Variants in DPP6 observed in about 807,000 individuals in gnomAD.
The protein encoded by DPP6 is A-type potassium channel modulatory protein DPP6.
In DPP6, 69 loss-of-function variants were observed where a neutral mutation model predicts 122.6. That is an observed-to-expected ratio of 0.56 (90% CI 0.46 to 0.69). DPP6 has a LOEUF of 0.69. Ranked by LOEUF, DPP6 falls within the 30% of genes least tolerant of loss-of-function variation. The probability of loss-of-function intolerance (pLI) is 0.00; values close to 1 mark genes in which losing one functional copy is unlikely to be tolerated. For missense variants in DPP6, 928 were observed against 1,116.9 expected (o/e 0.83, Z 2.41); for synonymous variants, 418 against 433.1 (o/e 0.97, Z 0.43).
At chr7:153,885,414 G>A (rs1798873730), upstream of DPP6, among the ~76,000 whole-genome samples, 1 of 152,008 alleles carries the variant, frequency 6.6e-6, no homozygotes, top group African/African-American at 2.4e-5. Flanking sequence ...GACTTTGGGA[G>A]GTGATGAGGT....
chr7:154,691,761 G>A (rs1167395544), intron 7 of DPP6, among the ~76,000 whole-genome samples: 1 of 152,106 alleles, frequency 6.6e-6, no homozygotes, highest in Admixed American at 6.5e-5. Flanking sequence ...GGAGGTGGCG[G>A]TGAGCCAAGA....
the DPP6 span, among the ~76,000 whole-genome samples, chr7:153,850,234 T>C: frequency 6.6e-6 from 1 of 152,164 alleles, no homozygotes; most frequent in African/African-American, 2.4e-5. Context: ...GGCCTTATCT[T>C]AGGCCTGGCT....
chr7:153,983,807 G>A (rs988793512), intron 1 of DPP6, among the ~76,000 whole-genome samples: 9 of 151,982 alleles, frequency 5.9e-5, no homozygotes, highest in Non-Finnish European at 1.2e-4. Context: ...AGGGAGTTCC[G>A]TGACCCCTTG....
intron 7 of DPP6, among the ~76,000 whole-genome samples, chr7:154,718,750 C>T (rs552586349): frequency 2.1e-4 from 32 of 151,710 alleles, no homozygotes; most frequent in Admixed American, 4.6e-4. Flanking sequence ...AGTGATTCTC[C>T]AGCCTCAGTG....
intron 1 of DPP6, among the ~76,000 whole-genome samples, chr7:154,157,750 A>T (rs1796758126): frequency 6.6e-6 from 1 of 152,148 alleles, no homozygotes; most frequent in Admixed American, 6.5e-5. Flanking sequence ...CCTGACCAAC[A>T]TGGAGAAACT....
At position 153,928,396 on chromosome 7, in the gene DPP6, A is replaced by ATTTTTTTTTTTTTTTTTTTTTTTTTTTT. The variant is rs71182854; in HGVS notation, c.51+40687_51+40688insTTTTTTTTTTTTTTTTTTTTTTTTTTTT. On this transcript the variant is annotated intron_variant, in intron 1 of 25. Coordinates refer to the DPP6 transcript ENST00000404039. The stretch of plus-strand genomic sequence containing the variant: ...CTGGCTAATTTTTTTCTTTTCTTTC[A>ATTTTTTTTTTTTTTTTTTTTTTTTTTTT]TTTTTTTTTTTTTTTTTTTTTTTTT... Among the ~76,000 whole-genome samples, 59 of 43,694 alleles carry ATTTTTTTTTTTTTTTTTTTTTTTTTTTT rather than the reference A, an allele frequency of 1.4e-3. 7 individuals are homozygous for ATTTTTTTTTTTTTTTTTTTTTTTTTTTT. The highest frequency in any genetic ancestry group is 1.6e-3 in the Non-Finnish European group (36 of 22,860). The allele number at this position is 43,694 out of a possible 152,430, so 28.7% of individuals were successfully genotyped here. A position where few individuals can be genotyped will look rare whatever the true frequency, so the allele number is the denominator to read the frequency against.
intron 7 of DPP6, among the ~76,000 whole-genome samples, chr7:154,707,201 A>G (rs1051800834): frequency 6.6e-6 from 1 of 152,216 alleles, no homozygotes; most frequent in Admixed American, 6.5e-5. Context: ...TAGGTTGATG[A>G]CACTTATTAT....
intron 1 of DPP6, among the ~76,000 whole-genome samples, chr7:153,918,567 T>TCACACACACACA (rs1563006184): frequency 5.9e-4 from 27 of 46,118 alleles, no homozygotes; most frequent in South Asian, 1.5e-3. Flanking sequence ...ACACACACAG[T>TCACACACACACA]CTCTCTCTCT....
the DPP6 span, among the ~76,000 whole-genome samples, chr7:153,823,992 C>G: frequency 1.3e-5 from 2 of 152,172 alleles, no homozygotes; most frequent in East Asian, 3.9e-4. Flanking sequence ...AGATGCTAAA[C>G]AAAATGTGTT....
At chr7:153,808,911 G>C in the DPP6 span, among the ~76,000 whole-genome samples, 16 of 152,016 alleles carry the variant, frequency 1.1e-4, no homozygotes, top group Non-Finnish European at 1.9e-4. Flanking sequence ...ACACCCAGAA[G>C]TGGAATTGCT....
At chr7:154,357,016 A>G (rs1811322449) in intron 1 of DPP6, among the ~76,000 whole-genome samples, 1 of 152,208 alleles carries the variant, frequency 6.6e-6, no homozygotes, top group Non-Finnish European at 1.5e-5. Flanking sequence ...TTATTGGACA[A>G]AAGTTTTACC....
chr7:154,749,248 T>G, intron 8 of DPP6, among the ~76,000 whole-genome samples: 1 of 114,654 alleles, frequency 8.7e-6, no homozygotes, highest in Non-Finnish European at 1.8e-5. Context: ...GATGGAGGCT[T>G]TACTGAGAGA....
At chr7:154,338,729 C>A (rs1053293005) in intron 1 of DPP6, among the ~76,000 whole-genome samples, 23 of 152,182 alleles carry the variant, frequency 1.5e-4, no homozygotes, top group African/African-American at 5.5e-4. Context: ...AACAGAACCC[C>A]CATTGAATAG....
intron 1 of DPP6, among the ~76,000 whole-genome samples, chr7:154,258,064 C>T (rs1007455346): frequency 6.7e-6 from 1 of 148,284 alleles, no homozygotes; most frequent in African/African-American, 2.5e-5. Context: ...CTAGAAATTA[C>T]ATATATTGTG....
intron 1 of DPP6, among the ~76,000 whole-genome samples, chr7:153,993,037 C>T (rs1368820772): frequency 1.3e-5 from 2 of 152,158 alleles, no homozygotes; most frequent in Non-Finnish European, 2.9e-5. Context: ...TATTCACACA[C>T]ATGCATCCAA....
chr7:154,331,399 T>G (rs1050248756), intron 1 of DPP6, among the ~76,000 whole-genome samples: 1 of 152,178 alleles, frequency 6.6e-6, no homozygotes, highest in Non-Finnish European at 1.5e-5. Context: ...GCTGCACTAA[T>G]AGACGGGGGG....
intron 1 of DPP6, among the ~76,000 whole-genome samples, chr7:154,158,558 C>A (rs981693968): frequency 6.6e-6 from 1 of 151,526 alleles, no homozygotes; most frequent in African/African-American, 2.4e-5. Flanking sequence ...TTTTTGAATT[C>A]TTTTTCTCTC....
chr7:153,862,547 GT>G, the DPP6 span, among the ~76,000 whole-genome samples: 1 of 152,174 alleles, frequency 6.6e-6, no homozygotes, highest in East Asian at 1.9e-4. Flanking sequence ...TAGTTTTCTA[GT>G]TTTTGTTTTG....
intron 5 of DPP6, chr7:154,588,263 C>CAGAGATG (rs1222584153): frequency 9.1e-7 from 1 of 1,100,764 alleles, no homozygotes; most frequent in Non-Finnish European, 1.3e-6. Flanking sequence ...GGCCTGTTCT[C>CAGAGATG]AGAGATGCAG....
Sources: gnomAD v4.1 joint callset for allele counts (sites outside exome capture counted in the v4.1 genomes callset) on GRCh38, gnomAD v4.1.1 for gene constraint, MANE v1.5 for transcripts, NCBI Gene and HGNC (gene_info 2026-07-23, HGNC 2026-07-21) for gene names.